FMR1NB: variants seen among roughly 807,000 people sequenced by gnomAD.
FMR1NB encodes the protein FMR1 neighbor.
A neutral mutation model predicts 16.8 loss-of-function variants in FMR1NB; 10 were observed. The ratio of observed to expected loss-of-function variants is 0.60; its 90% CI spans 0.37 to 1.01. The LOEUF (loss-of-function observed/expected upper bound fraction) is 1.01, where lower values mean the gene tolerates loss of function less well. Among genes scored for constraint, FMR1NB ranks in the 50% least tolerant of loss-of-function variants. FMR1NB has a pLI of 0.01. For synonymous variants in FMR1NB, 83 were observed against 79.1 expected, an observed-to-expected ratio of 1.05 and a Z score of -0.26; for missense variants, 205 against 204.8, an observed-to-expected ratio of 1.00 and a Z score of 0.00.
chrX:147,981,396 C>T lies in FMR1NB; in HGVS notation c.-7C>T, dbSNP rs374693289. On this transcript the variant is annotated 5_prime_UTR_variant, in exon 1 of 6. Coordinates refer to ENST00000370467, the MANE Select transcript of FMR1NB (RefSeq NM_152578.3). Reference sequence around the variant, plus strand: ...GGCAGCGTCTCAGCGAGGCGGCACCCGGAGCCATGTCTTCACATAGGAGGA... The same window carrying T: ...GGCAGCGTCTCAGCGAGGCGGCACCTGGAGCCATGTCTTCACATAGGAGGA... The T allele has an allele frequency of 8.3e-6, 10 of 1,202,731 alleles. No homozygotes were observed. Among genetic ancestry groups the T allele is most frequent in the Middle Eastern group, 2.4e-4 (1 of 4,220 alleles).
At chrX:148,007,988 T>A (rs1257242174) in intron 3 of FMR1NB, 1 of 112,373 alleles carries the variant, frequency 8.9e-6, no homozygotes, top group East Asian at 2.8e-4. Context: ...GACTTACAAT[T>A]CCCCAATCAC....
intron 4 of FMR1NB, among the ~76,000 whole-genome samples, chrX:148,019,538 C>A (rs1458862000): frequency 9.0e-6 from 1 of 111,477 alleles, no homozygotes; most frequent in Non-Finnish European, 1.9e-5. Flanking sequence ...CTTGTTTGTA[C>A]CTGTCTTTCT....
At chrX:148,017,346 ATCT>A (rs1477078905) in intron 4 of FMR1NB, among the ~76,000 whole-genome samples, 2 of 109,943 alleles carry the variant, frequency 1.8e-5, no homozygotes, top group African/African-American at 6.6e-5. Flanking sequence ...CCTTGAGGTC[ATCT>A]TCTTTTGGTT....
Position 148,008,713 on chromosome X carries a change from T to C in FMR1NB, c.632+2T>C. ...TTGCCGCTCTCTTTTCTGGAGGAGG[T>C]AGGTGAACATAAACTTTTATTTGCT... On this transcript the variant is annotated splice_donor_variant, in intron 4 of 5. Coordinates refer to ENST00000370467, the MANE Select transcript of FMR1NB (RefSeq NM_152578.3). LOFTEE classifies it high-confidence loss of function. 8.3e-7 allele frequency: 1 copy of C among 1,205,877 alleles called. No homozygotes were observed. The highest frequency in any genetic ancestry group is 1.1e-6 in the Non-Finnish European group (1 of 890,780).
intron 4 of FMR1NB, among the ~76,000 whole-genome samples, chrX:148,022,801 TA>T (rs2044685884): frequency 8.9e-6 from 1 of 111,888 alleles, no homozygotes; most frequent in African/African-American, 3.3e-5. Flanking sequence ...TTTTTGTTGT[TA>T]ATTAAGGTGA....
At chrX:147,999,279 C>T (rs1426592144) in intron 1 of FMR1NB, among the ~76,000 whole-genome samples, 4 of 111,806 alleles carry the variant, frequency 3.6e-5, no homozygotes, top group African/African-American at 1.3e-4. Context: ...TCAGCCAACA[C>T]TTACTTCAGA....
rs1557188793 is a variant in FMR1NB at position 148,003,224 on chromosome X, A to G, written c.301A>G (p.Asn101Asp). 4 of 1,209,372 alleles carry G rather than the reference A, an allele frequency of 3.3e-6. No individual in the cohort carries two copies. In the South Asian group the frequency reaches 7.1e-5, roughly 21 times the overall value. Residue 101 changes from asparagine (N) to aspartate (D), a missense_variant, in exon 2 of 6, where the codon AAT (asparagine) becomes GAT (aspartate). Physicochemically the swap from Asn to Asp is conservative, Grantham distance 23. Coordinates refer to ENST00000370467, the MANE Select transcript of FMR1NB (RefSeq NM_152578.3). Reference sequence around the variant, plus strand: ...AGGGTCCTCATATTTTGTGCTTGCAAATGGACATATCCTGCCCAACAGTGA... The same window carrying G: ...AGGGTCCTCATATTTTGTGCTTGCAGATGGACATATCCTGCCCAACAGTGA... Reference protein sequence around the residue: ...CSGSSYFVLANGHILPNSENA... With the variant: ...CSGSSYFVLADGHILPNSENA...
At chrX:148,001,644 G>A (rs1207602214) in intron 1 of FMR1NB, among the ~76,000 whole-genome samples, 4 of 110,369 alleles carry the variant, frequency 3.6e-5, no homozygotes, top group Non-Finnish European at 5.7e-5. Context: ...CAGCTACTCG[G>A]GAGGCCAAGG....
At chrX:147,991,647 CT>C (rs782065632) in intron 1 of FMR1NB, among the ~76,000 whole-genome samples, 1,872 of 87,269 alleles carry the variant, frequency 0.021, 52 homozygotes, top group African/African-American at 0.068. Flanking sequence ...GGCCTTCCTT[CT>C]TTTTTTTTTT....
intron 1 of FMR1NB, among the ~76,000 whole-genome samples, chrX:147,981,881 C>T (rs2044449848): frequency 8.9e-6 from 1 of 111,848 alleles, no homozygotes; most frequent in African/African-American, 3.3e-5. Flanking sequence ...CGCAGGAAGT[C>T]TTTCCTGCCT....
At chrX:147,993,881 C>T (rs1278015859) in intron 1 of FMR1NB, among the ~76,000 whole-genome samples, 1 of 111,067 alleles carries the variant, frequency 9.0e-6, no homozygotes, top group Non-Finnish European at 1.9e-5. Flanking sequence ...GTCTTTCTGC[C>T]TCACTTGCTT....
chrX:147,998,756 T>G (rs1242862084), intron 1 of FMR1NB, among the ~76,000 whole-genome samples: 2 of 112,533 alleles, frequency 1.8e-5, no homozygotes, highest in Non-Finnish European at 3.7e-5. Flanking sequence ...TTCATCTATG[T>G]TCCACCTAAA....
chrX:148,013,148 T>C (rs189504986), intron 4 of FMR1NB, among the ~76,000 whole-genome samples: 12 of 111,810 alleles, frequency 1.1e-4, no homozygotes, highest in Non-Finnish European at 1.9e-4. Context: ...ATTTAATTAC[T>C]GAAATAATAA....
At chrX:148,002,066 A>G (rs1450046408) in intron 1 of FMR1NB, among the ~76,000 whole-genome samples, 3 of 111,586 alleles carry the variant, frequency 2.7e-5, no homozygotes, top group Non-Finnish European at 5.6e-5. Flanking sequence ...GAATGCCTTT[A>G]TAGAGGTAAA....
intron 4 of FMR1NB, among the ~76,000 whole-genome samples, chrX:148,020,148 TTTCTACAGGCAGAAGAGCCCTACCTTG>T (rs58516707): frequency 0.027 from 2,977 of 112,157 alleles, 55 homozygotes; most frequent in African/African-American, 0.066. Flanking sequence ...TTTCTTCCCC[TTTCTACAGGCAGAAGAGCCCTACCTTG>T]TGGCAATCAA....
chrX:147,999,038 T>C (rs781789482), intron 1 of FMR1NB, among the ~76,000 whole-genome samples: 18 of 111,824 alleles, frequency 1.6e-4, no homozygotes, highest in Non-Finnish European at 2.3e-4. Flanking sequence ...GGCATCTATA[T>C]GCCAGAAACT....
chrX:147,982,543 C>T (rs189815847), intron 1 of FMR1NB, among the ~76,000 whole-genome samples: 7,980 of 94,438 alleles, frequency 0.084, 350 homozygotes, highest in African/African-American at 0.13. Context: ...GAGCTGAGAT[C>T]GCACCACTGC....
At chrX:148,011,212 C>T (rs1009030126) in intron 4 of FMR1NB, among the ~76,000 whole-genome samples, 6 of 109,871 alleles carry the variant, frequency 5.5e-5, no homozygotes, top group African/African-American at 1.3e-4. Context: ...TACAGTGAGC[C>T]GAGATCGCGT....
intron 1 of FMR1NB, among the ~76,000 whole-genome samples, chrX:147,988,685 T>G (rs782238999): frequency 8.9e-5 from 10 of 111,822 alleles, no homozygotes; most frequent in Admixed American, 5.7e-4. Context: ...CCCATATTTC[T>G]TGGAGGCTTT....
Sources: allele counts gnomAD v4.1 joint callset (sites outside exome capture counted in the v4.1 genomes callset), GRCh38; gene constraint gnomAD v4.1.1; transcripts MANE v1.5; gene names NCBI Gene and HGNC (gene_info 2026-07-23, HGNC 2026-07-21).